EMCN: variants seen among roughly 807,000 people sequenced by gnomAD.
EMCN encodes the protein MUC-14.
EMCN carries 37 observed loss-of-function variants against 38.4 expected under a neutral mutation model. The observed-to-expected ratio is 0.96, with a 90% CI of 0.74 to 1.27. The LOEUF (loss-of-function observed/expected upper bound fraction) is 1.27. Among genes scored for constraint, EMCN ranks in the 50% most tolerant of loss-of-function variants. The pLI, the probability that EMCN is intolerant of heterozygous loss-of-function variation, is 0.00. For synonymous variants in EMCN, 95 were observed against 100.8 expected, an observed-to-expected ratio of 0.94 and a Z score of 0.35; for missense variants, 318 against 302.8, an observed-to-expected ratio of 1.05 and a Z score of -0.37.
intron 1 of EMCN, among the ~76,000 whole-genome samples, chr4:100,496,948 G>A (rs1277015410): frequency 2.0e-5 from 3 of 151,770 alleles, no homozygotes; most frequent in Non-Finnish European, 4.4e-5. Flanking sequence ...TTCTCCATAT[G>A]ACAGAAAGTG....
At chr4:100,447,451 A>G (rs972154966) in intron 5 of EMCN, 82 bp downstream of exon 5, 1 of 973,432 alleles carries the variant, frequency 1.0e-6, no homozygotes, top group Admixed American at 2.1e-5. Context: ...CCCTGCCCCC[A>G]AACTGATTGG....
intron 1 of EMCN, among the ~76,000 whole-genome samples, chr4:100,509,600 C>A (rs948352246): frequency 6.6e-6 from 1 of 152,084 alleles, no homozygotes; most frequent in East Asian, 1.9e-4. Flanking sequence ...CCTAGGAGGG[C>A]GATTTCACAG....
chr4:100,416,091 CGTGT>C (rs1553926597), intron 9 of EMCN, 132 bp from the exon 10 acceptor site: 1 of 472,704 alleles, frequency 2.1e-6, no homozygotes. Context: ...TATATATATA[CGTGT>C]GTGTGTGTGT....
intron 1 of EMCN, among the ~76,000 whole-genome samples, chr4:100,489,479 A>T (rs989503891): frequency 6.6e-6 from 1 of 152,194 alleles, no homozygotes; most frequent in Admixed American, 6.6e-5. Flanking sequence ...CAGACCACAT[A>T]TGCAAGAGCA....
intron 5 of EMCN, among the ~76,000 whole-genome samples, chr4:100,430,375 T>C (rs1017744990): frequency 6.6e-6 from 1 of 152,164 alleles, no homozygotes; most frequent in Non-Finnish European, 1.5e-5. Context: ...ACATGACTCT[T>C]ATTTTTGTTA....
rs1057377968 is a variant in EMCN at position 100,499,940 on chromosome 4, G to A, written c.64+17911C>T. Among the ~76,000 whole-genome samples the A allele has an allele frequency of 3.3e-5, 5 of 152,094 alleles. 1 individual carries two copies. Among genetic ancestry groups the A allele is most frequent in the South Asian group, 4.1e-4 (2 of 4,832 alleles). Reference sequence around the variant, plus strand: ...AGGTTTAATGAGAAACTGAAATTCAGAATAGCAGAGTATCATTGAGAGCAA... The same window carrying A: ...AGGTTTAATGAGAAACTGAAATTCAAAATAGCAGAGTATCATTGAGAGCAA... On this transcript the variant is annotated intron_variant, in intron 1 of 11. Transcript: ENST00000296420.
At chr4:100,414,406 C>A (rs1187898158) in intron 10 of EMCN, among the ~76,000 whole-genome samples, 1 of 127,730 alleles carries the variant, frequency 7.8e-6, no homozygotes, top group African/African-American at 3.1e-5. Flanking sequence ...GTAAAATAGG[C>A]CTGGCTACTT....
At chr4:100,468,724 A>G (rs1248360042) in intron 3 of EMCN, among the ~76,000 whole-genome samples, 1 of 152,100 alleles carries the variant, frequency 6.6e-6, no homozygotes, top group Non-Finnish European at 1.5e-5. Flanking sequence ...ACTATAAAAC[A>G]TTAATAAAAA....
At chr4:100,447,642 T>C in intron 4 of EMCN, 71 bp from the exon 5 acceptor site, 5 of 956,994 alleles carry the variant, frequency 5.2e-6, no homozygotes, top group Non-Finnish European at 8.1e-6. Flanking sequence ...CTCACAATTG[T>C]TTCAGGTGGT....
At chr4:100,459,182 T>G (rs1189128412) in intron 4 of EMCN, among the ~76,000 whole-genome samples, 34 of 2,942 alleles carry the variant, frequency 0.012, no homozygotes, top group Non-Finnish European at 0.016. Context: ...TCTCTCTCTC[T>G]CTCTCTCTCT....
At chr4:100,414,073 C>T (rs886430465) in intron 10 of EMCN, among the ~76,000 whole-genome samples, 3 of 152,142 alleles carry the variant, frequency 2.0e-5, no homozygotes, top group Admixed American at 2.0e-4. Context: ...TCAGTTGTCC[C>T]ATTTCTTTGG....
At chr4:100,400,110 G>T (rs1305415958) in intron 11 of EMCN, among the ~76,000 whole-genome samples, 1 of 152,114 alleles carries the variant, frequency 6.6e-6, no homozygotes, top group African/African-American at 2.4e-5. Flanking sequence ...CCAGCCAGAG[G>T]TCAACGCTTC....
chr4:100,484,422 G>T (rs1728888682), intron 1 of EMCN, among the ~76,000 whole-genome samples: 1 of 152,052 alleles, frequency 6.6e-6, no homozygotes, highest in Admixed American at 6.6e-5. Context: ...GTCACTAAAA[G>T]GTTTTTGTTT....
chr4:100,400,801 A>G (rs1371430849), intron 11 of EMCN, among the ~76,000 whole-genome samples: 2 of 152,144 alleles, frequency 1.3e-5, no homozygotes, highest in African/African-American at 4.8e-5. Context: ...ATCAGCATGC[A>G]TTTCACATTG....
intron 10 of EMCN, among the ~76,000 whole-genome samples, chr4:100,415,246 A>C: frequency 6.6e-6 from 1 of 152,182 alleles, no homozygotes; most frequent in Non-Finnish European, 1.5e-5. Context: ...CTGTTTCGTG[A>C]TATCAATGGT....
At chr4:100,436,383 A>G (rs1349648993) in intron 5 of EMCN, among the ~76,000 whole-genome samples, 1 of 152,202 alleles carries the variant, frequency 6.6e-6, no homozygotes, top group African/African-American at 2.4e-5. Context: ...GAGATTGCAG[A>G]GAAAAAGGAA....
chr4:100,404,787 T>G (rs1017321278), intron 11 of EMCN, among the ~76,000 whole-genome samples: 4 of 152,164 alleles, frequency 2.6e-5, no homozygotes, highest in Non-Finnish European at 2.9e-5. Context: ...ACATTGATTC[T>G]GTAGATTGCT....
chr4:100,399,606 A>C (rs1020190728), intron 11 of EMCN, among the ~76,000 whole-genome samples: 3 of 152,170 alleles, frequency 2.0e-5, no homozygotes, highest in African/African-American at 7.2e-5. Context: ...GCAGTCGAGC[A>C]CATGCCAGAG....
chr4:100,440,825 G>T (rs546539204), intron 5 of EMCN, among the ~76,000 whole-genome samples: 63 of 152,036 alleles, frequency 4.1e-4, no homozygotes, highest in Non-Finnish European at 7.8e-4. Context: ...TGTTAAAAGT[G>T]GGGTAATACC....
Sources: allele counts gnomAD v4.1 joint callset (sites outside exome capture counted in the v4.1 genomes callset), GRCh38; gene constraint gnomAD v4.1.1; transcripts MANE v1.5; gene names NCBI Gene and HGNC (gene_info 2026-07-23, HGNC 2026-07-21).